HHLA2: variants seen among roughly 807,000 people sequenced by gnomAD.
HHLA2 encodes the protein HERV-H LTR-associating protein 2.
HHLA2 carries 48 observed loss-of-function variants against 45.9 expected under a neutral mutation model. The ratio of observed to expected loss-of-function variants is 1.05; its 90% CI spans 0.83 to 1.33. The LOEUF (loss-of-function observed/expected upper bound fraction) is 1.33, where lower values mean the gene tolerates loss of function less well. HHLA2 is among the 40% of genes most tolerant of loss of function. HHLA2 has a pLI of 0.00. For missense variants in HHLA2, 462 were observed against 494.3 expected (o/e 0.93, Z 0.62); for synonymous variants, 161 against 173.9 (o/e 0.93, Z 0.59).
chr3:108,356,029 C>T (rs1576162894), intron 6 of HHLA2, among the ~76,000 whole-genome samples: 4 of 118,216 alleles, frequency 3.4e-5, no homozygotes, highest in East Asian at 2.2e-4. Flanking sequence ...ATTTGTTTTC[C>T]TTTTTTTTTT....
rs1433452504 is a variant in HHLA2 at position 108,375,930 on chromosome 3, A to ATTCCATACTTTC, written c.1159+131_1159+132insTCCATACTTTCT. 7 of 1,225,908 alleles carry ATTCCATACTTTC rather than the reference A, an allele frequency of 5.7e-6. No individual in the cohort carries two copies. The African/African-American group carries it at 1.1e-4, about 19-fold the overall frequency. 75.9% of individuals were successfully genotyped at this position (1,225,908 alleles called of 1,614,324 possible). On this transcript the variant is annotated intron_variant, in intron 9 of 10. Transcript: ENST00000619531. The stretch of plus-strand genomic sequence containing the variant: ...ATATATTCCATACTTCTGCAGTGAG[A>ATTCCATACTTTC]TGGGCTGAAAATATATTTGAAGCTG...
At chr3:108,338,860 C>G (rs2081517645) in intron 3 of HHLA2, among the ~76,000 whole-genome samples, 1 of 152,160 alleles carries the variant, frequency 6.6e-6, no homozygotes. Flanking sequence ...GGCAGGATTT[C>G]TGGGCATTCA....
intron 3 of HHLA2, among the ~76,000 whole-genome samples, chr3:108,331,613 CCTTTGGAGTATTGCTTCTCAAAA>C (rs1255787207): frequency 2.0e-5 from 3 of 152,004 alleles, no homozygotes; most frequent in Non-Finnish European, 4.4e-5. Context: ...CTCAAAATGC[CCTTTGGAGTATTGCTTCTCAAAA>C]TTTGATCCTT....
rs548070146 is a variant in HHLA2 at position 108,313,084 on chromosome 3, C to T, written c.-105+2343C>T. Among the ~76,000 whole-genome samples the T allele has an allele frequency of 2.6e-5, 4 of 152,284 alleles. No homozygotes were observed. In the East Asian group the frequency reaches 7.7e-4, roughly 29 times the overall value. The stretch of plus-strand genomic sequence containing the variant: ...ATGGCAAAAGGATGATACTGTACTT[C>T]TGACCAGTGTAATATGGCATTCCAA... On this transcript the variant is annotated intron_variant, in intron 2 of 10. Transcript: ENST00000619531.
chr3:108,334,545 T>C (rs7643193), intron 3 of HHLA2, among the ~76,000 whole-genome samples: 85,025 of 152,044 alleles, frequency 0.56, 24,413 homozygotes, highest in Middle Eastern at 0.63. Flanking sequence ...GGGGAGCTAA[T>C]TTGTGGATTC....
chr3:108,321,284 C>CGG (rs1436578805), intron 2 of HHLA2, among the ~76,000 whole-genome samples: 1 of 151,998 alleles, frequency 6.6e-6, no homozygotes, highest in Admixed American at 6.6e-5. Context: ...TTCTGTATCA[C>CGG]GTTGTCGTCT....
At chr3:108,331,638 T>C (rs535893218) in intron 3 of HHLA2, among the ~76,000 whole-genome samples, 1 of 152,276 alleles carries the variant, frequency 6.6e-6, no homozygotes, top group East Asian at 1.9e-4. Context: ...TTCTCAAAAT[T>C]TGATCCTTGG....
intron 3 of HHLA2, among the ~76,000 whole-genome samples, chr3:108,343,857 A>G (rs533375484): frequency 1.9e-4 from 29 of 152,318 alleles, no homozygotes; most frequent in African/African-American, 6.5e-4. Context: ...ACTTAAATTG[A>G]CATTGGAAAA....
chr3:108,371,881 A>G (rs1399207512), intron 8 of HHLA2, among the ~76,000 whole-genome samples: 1 of 152,196 alleles, frequency 6.6e-6, no homozygotes, highest in East Asian at 1.9e-4. Context: ...ATAATGGGAG[A>G]CTTTAACACC....
At chr3:108,313,239 T>C (rs1290415392) in intron 2 of HHLA2, among the ~76,000 whole-genome samples, 2 of 152,162 alleles carry the variant, frequency 1.3e-5, no homozygotes, top group Non-Finnish European at 2.9e-5. Context: ...GCACAATTCT[T>C]TATTTTGGAA....
chr3:108,309,898 A>G (rs188175333), intron 1 of HHLA2, among the ~76,000 whole-genome samples: 45 of 152,160 alleles, frequency 3.0e-4, no homozygotes, highest in Admixed American at 2.4e-3. Context: ...GTTTATATAT[A>G]TTATTTGAAA....
At chr3:108,368,121 G>T (rs944334957) in intron 8 of HHLA2, among the ~76,000 whole-genome samples, 1 of 152,086 alleles carries the variant, frequency 6.6e-6, no homozygotes, top group Non-Finnish European at 1.5e-5. Context: ...CTTCATGAGT[G>T]AAGGAGAAAT....
Position 108,355,331 on chromosome 3 carries a change from T to C in HHLA2, c.635T>C (p.Ile212Thr), listed in dbSNP as rs777243668. ...TCAAATTCATCTTATGAATGTACAATTGAAAATTCACTGCTGAAGCAAACA... is the reference window on the plus strand; with the variant it reads ...TCAAATTCATCTTATGAATGTACAACTGAAAATTCACTGCTGAAGCAAACA... Residue 212 changes from isoleucine (I) to threonine (T), a missense_variant, in exon 6 of 11, where the codon ATT (isoleucine) becomes ACT (threonine). Transcript: ENST00000619531. The C allele has an allele frequency of 2.5e-6, 4 of 1,613,778 alleles. No individual in the cohort carries two copies. Among genetic ancestry groups the C allele is most frequent in the Non-Finnish European group, 3.4e-6 (4 of 1,179,846 alleles).
At chr3:108,303,757 C>G (rs1009683769) in intron 1 of HHLA2, among the ~76,000 whole-genome samples, 3 of 152,000 alleles carry the variant, frequency 2.0e-5, no homozygotes, top group Non-Finnish European at 4.4e-5. Flanking sequence ...TTTTATTTTG[C>G]CCAGTTAGTG....
intron 8 of HHLA2, among the ~76,000 whole-genome samples, chr3:108,368,535 CAAAAAAAAAAAAAAAAAAAAAAAA>C (rs55718572): frequency 2.3e-3 from 15 of 6,604 alleles, no homozygotes; most frequent in African/African-American, 7.9e-3. Context: ...AAACGAAGAG[CAAAAAAAAAAAAAAAAAAAAAAAA>C]AAAAAAAAAA....
Position 108,353,414 on chromosome 3 carries a change from C to A in HHLA2, c.65-13C>A. ...ATTAATTCTCTTTATAACTTCTCTGCTCTTGACTGTAGGCATATTCCCTTT... is the reference window on the plus strand; with the variant it reads ...ATTAATTCTCTTTATAACTTCTCTGATCTTGACTGTAGGCATATTCCCTTT... On this transcript the variant is annotated splice_polypyrimidine_tract_variant and intron_variant, in intron 4 of 10. Transcript: ENST00000619531. 1 of 1,504,852 alleles carries A rather than the reference C, an allele frequency of 6.6e-7. No homozygotes were observed. Among genetic ancestry groups the A allele is most frequent in the Non-Finnish European group, 9.0e-7 (1 of 1,108,576 alleles). The allele number at this position is 1,504,852 out of a possible 1,614,324, so 93.2% of individuals were successfully genotyped here. A position where few individuals can be genotyped will look rare whatever the true frequency, so the allele number is the denominator to read the frequency against.
chr3:108,358,523 G>A (rs1439120413), intron 7 of HHLA2, among the ~76,000 whole-genome samples: 1 of 152,144 alleles, frequency 6.6e-6, no homozygotes, highest in Non-Finnish European at 1.5e-5. Context: ...GACACATTAG[G>A]AAGTTACAAT....
intron 3 of HHLA2, among the ~76,000 whole-genome samples, chr3:108,350,872 A>G (rs763716324): frequency 2.6e-5 from 4 of 152,124 alleles, no homozygotes; most frequent in Non-Finnish European, 4.4e-5. Context: ...TTTAGTAGAG[A>G]CAAGGTTTCA....
intron 2 of HHLA2, chr3:108,325,718 C>G (rs1453938215): frequency 4.3e-6 from 1 of 233,404 alleles, no homozygotes; most frequent in Non-Finnish European, 8.6e-6. Flanking sequence ...TCTACCAAAT[C>G]CATTATAGCC....
Sources: gnomAD v4.1 joint callset for allele counts (sites outside exome capture counted in the v4.1 genomes callset) on GRCh38, gnomAD v4.1.1 for gene constraint, MANE v1.5 for transcripts, NCBI Gene and HGNC (gene_info 2026-07-23, HGNC 2026-07-21) for gene names.